Variants in WFDC1 observed in about 807,000 individuals in gnomAD.
The protein encoded by WFDC1 is WAP four-disulfide core domain 1.
WFDC1 carries 39 observed loss-of-function variants against 32.9 expected under a neutral mutation model. The observed-to-expected ratio is 1.19, with a 90% CI of 0.92 to 1.55. The LOEUF (loss-of-function observed/expected upper bound fraction) is 1.55, where lower values mean the gene tolerates loss of function less well. Among genes scored for constraint, WFDC1 ranks in the 40% most tolerant of loss-of-function variants. The pLI is 0.00. For missense variants in WFDC1, 386 were observed against 309.5 expected (o/e 1.25, Z -1.85); for synonymous variants, 184 against 137.4 (o/e 1.34, Z -2.37).
chr16:84,324,540 A>G, intron 5 of WFDC1, 80 bp downstream of exon 5: 4 of 1,508,618 alleles, frequency 2.7e-6, no homozygotes, highest in Non-Finnish European at 3.6e-6. Flanking sequence ...GAAAAAAATA[A>G]AAGCCCAGGG....
At chr16:84,301,952 C>G (rs8053016) in intron 1 of WFDC1, among the ~76,000 whole-genome samples, 10,679 of 152,242 alleles carry the variant, frequency 0.07, 1,188 homozygotes, top group African/African-American at 0.23. Context: ...TCTGTGCCAG[C>G]ACTCACCGCA....
At chr16:84,318,378 A>G (rs1567661283) in intron 3 of WFDC1, 23 bp downstream of exon 3, 1 of 1,611,572 alleles carries the variant, frequency 6.2e-7, no homozygotes, top group Non-Finnish European at 8.5e-7. Context: ...TAAAGCCCAG[A>G]CCCTACATCC....
In WFDC1 at chr16:84,327,218, T is replaced by C. The variant is rs1288258590; in HGVS notation, c.*15+263T>C. 3.1e-5 allele frequency: 13 copies of C among 416,892 alleles called. No homozygotes were observed. The Admixed American group carries it at 4.7e-4, about 15-fold the overall frequency. 25.8% of individuals were successfully genotyped at this position (416,892 alleles called of 1,614,324 possible). A position where few individuals can be genotyped will look rare whatever the true frequency, so the allele number is the denominator to read the frequency against. On this transcript the variant is annotated intron_variant, in intron 6 of 6. Transcript: ENST00000219454. ...TTGTTTGTTTTTTTAAGAGATGGGG[T>C]CTCACTCTGTCACCCAGGCTGGAGT...
intron 1 of WFDC1, among the ~76,000 whole-genome samples, chr16:84,302,252 C>G (rs1906985472): frequency 6.6e-6 from 1 of 152,076 alleles, no homozygotes; most frequent in African/African-American, 2.4e-5. Flanking sequence ...GAGGTTCTGC[C>G]TGGGGTGATG....
At chr16:84,313,254 C>T in intron 2 of WFDC1, 101 bp downstream of exon 2, 1 of 1,186,598 alleles carries the variant, frequency 8.4e-7, no homozygotes, top group South Asian at 2.6e-5. Flanking sequence ...AGCTGGGCCA[C>T]CTGGGCGGGT....
intron 2 of WFDC1, among the ~76,000 whole-genome samples, chr16:84,314,048 A>G (rs999937925): frequency 9.9e-5 from 15 of 152,126 alleles, no homozygotes; most frequent in Admixed American, 3.3e-4. Flanking sequence ...TCTCAAAAAA[A>G]AAAAGAAAGA....
At position 84,319,375 on chromosome 16, in the gene WFDC1, T is replaced by C. The variant is rs1313689285; in HGVS notation, c.422-56T>C. 10 of 1,589,312 alleles carry C rather than the reference T, an allele frequency of 6.3e-6. No homozygotes were observed. In the East Asian group the frequency reaches 1.6e-4, roughly 25 times the overall value. On this transcript the variant is annotated intron_variant, in intron 3 of 6. Transcript: ENST00000219454. ...GGAGTCTGCCTTCTAGACCCTAGCA[T>C]GTGCACCTGTCCTGGGAGTCGGCCT...
intron 5 of WFDC1, 82 bp downstream of exon 5, chr16:84,324,542 A>T (rs1391569566): frequency 5.3e-6 from 8 of 1,499,548 alleles, no homozygotes; most frequent in Non-Finnish European, 7.3e-6. Flanking sequence ...AAAAAATAAA[A>T]GCCCAGGGCT....
At chr16:84,318,630 G>A (rs919246566) in intron 3 of WFDC1, 16 of 361,864 alleles carry the variant, frequency 4.4e-5, no homozygotes, top group African/African-American at 3.1e-4. Flanking sequence ...GGGGCTTAGG[G>A]TTGGTTTTCA....
At chr16:84,304,443 G>A (rs984733764) in intron 1 of WFDC1, among the ~76,000 whole-genome samples, 3 of 152,154 alleles carry the variant, frequency 2.0e-5, no homozygotes, top group African/African-American at 7.2e-5. Context: ...GGCCAGGCTG[G>A]TCTCGAACTC....
At chr16:84,324,595 A>C in intron 5 of WFDC1, 135 bp downstream of exon 5, 3 of 961,266 alleles carry the variant, frequency 3.1e-6, no homozygotes, top group Non-Finnish European at 3.1e-6. Flanking sequence ...AAGAAACAAA[A>C]TAGAAGACCT....
chr16:84,320,616 A>T (rs1273438493), intron 4 of WFDC1, among the ~76,000 whole-genome samples: 1 of 152,242 alleles, frequency 6.6e-6, no homozygotes, highest in Non-Finnish European at 1.5e-5. Context: ...GAAAGACTTC[A>T]ATGTGCTTTT....
At chr16:84,305,744 G>A (rs983124870) in intron 1 of WFDC1, among the ~76,000 whole-genome samples, 1 of 152,176 alleles carries the variant, frequency 6.6e-6, no homozygotes, top group Admixed American at 6.5e-5. Flanking sequence ...GCTGACGCTT[G>A]TAATCCCAGC....
intron 1 of WFDC1, among the ~76,000 whole-genome samples, chr16:84,301,735 G>A (rs1297115408): frequency 6.6e-6 from 1 of 152,182 alleles, no homozygotes; most frequent in African/African-American, 2.4e-5. Flanking sequence ...AACCTGGCAT[G>A]GAGGGGGGAC....
intron 2 of WFDC1, chr16:84,316,364 G>A (rs1597684582): frequency 6.6e-6 from 1 of 152,154 alleles, no homozygotes; most frequent in African/African-American, 2.4e-5. Context: ...TCTTTATAAA[G>A]ATAAATATTA....
intron 4 of WFDC1, among the ~76,000 whole-genome samples, chr16:84,320,818 A>C (rs1316823359): frequency 1.3e-5 from 2 of 151,908 alleles, no homozygotes; most frequent in Non-Finnish European, 2.9e-5. Flanking sequence ...AATTACAGTG[A>C]CCCTATTTGC....
At chr16:84,316,315 A>G (rs1371114564) in intron 2 of WFDC1, 3 of 152,210 alleles carry the variant, frequency 2.0e-5, no homozygotes, top group Admixed American at 6.5e-5. Context: ...ACCAGTACCC[A>G]TCAATATACT....
chr16:84,298,231 C>A (rs1906726033), intron 1 of WFDC1, among the ~76,000 whole-genome samples: 1 of 152,000 alleles, frequency 6.6e-6, no homozygotes, highest in African/African-American at 2.4e-5. Context: ...CCTAGGCCTC[C>A]TGAGTAGTTG....
At chr16:84,320,736 G>A (rs1260449098) in intron 4 of WFDC1, among the ~76,000 whole-genome samples, 3 of 152,138 alleles carry the variant, frequency 2.0e-5, no homozygotes, top group African/African-American at 4.8e-5. Context: ...CACACCCAGG[G>A]GCCCCTGTCC....
Sources: gnomAD v4.1 joint callset for allele counts (sites outside exome capture counted in the v4.1 genomes callset) on GRCh38, gnomAD v4.1.1 for gene constraint, MANE v1.5 for transcripts, NCBI Gene and HGNC (gene_info 2026-07-23, HGNC 2026-07-21) for gene names.